The following ZBTB25 variants were observed in gnomAD, a reference collection of about 807,000 sequenced individuals.
ZBTB25 encodes the protein zinc finger and BTB domain-containing protein 25.
A neutral mutation model predicts 34.2 loss-of-function variants in ZBTB25; 20 were observed. The ratio of observed to expected loss-of-function variants is 0.58; its 90% confidence interval spans 0.41 to 0.85. ZBTB25 has a LOEUF of 0.85. Ranked by LOEUF, ZBTB25 falls within the 40% of genes least tolerant of loss-of-function variation. The pLI, the probability that ZBTB25 is intolerant of heterozygous loss-of-function variation, is 0.00. For missense variants in ZBTB25, 437 were observed against 521.8 expected, an observed-to-expected ratio of 0.84 and a Z score of 1.58; for synonymous variants, 175 against 186.4, an observed-to-expected ratio of 0.94 and a Z score of 0.50.
At chr14:64,469,939 T>C (rs994804561) in intron 2 of ZBTB25, 88 of 324,570 alleles carry the variant, frequency 2.7e-4, no homozygotes, top group African/African-American at 1.7e-3. Context: ...TAAAATGGCA[T>C]ATGGAGATTG....
chr14:64,494,488 C>A (rs1373989469), intron 1 of ZBTB25, among the ~76,000 whole-genome samples: 1 of 152,136 alleles, frequency 6.6e-6, no homozygotes, highest in Non-Finnish European at 1.5e-5. Context: ...CAAAAATTAG[C>A]CAGGTGTGGT....
At chr14:64,477,430 G>A (rs1421694827), downstream of ZBTB25, among the ~76,000 whole-genome samples, 6 of 152,156 alleles carry the variant, frequency 3.9e-5, no homozygotes, top group Non-Finnish European at 5.9e-5. Context: ...CCTCATAGAC[G>A]TTAAAATATT....
At chr14:64,457,597 A>G (rs1277614458) in intron 2 of ZBTB25, among the ~76,000 whole-genome samples, 2 of 152,092 alleles carry the variant, frequency 1.3e-5, no homozygotes, top group Non-Finnish European at 2.9e-5. Context: ...CTGGGATTAC[A>G]GGCACACGCC....
upstream of ZBTB25, chr14:64,504,673 C>T: frequency 2.8e-6 from 1 of 354,968 alleles, no homozygotes; most frequent in Admixed American, 4.7e-5. Flanking sequence ...CTGGCGGACG[C>T]CGCAGCGAAC....
At position 64,486,349 on chromosome 14, in the gene ZBTB25, T is replaced by C. The variant is rs1048468186; in HGVS notation, c.*574A>G. ...AATGTTAAAAAGTAAAGAGAAGCCA[T>C]GTAGGTAAGATGTTGTGGAGCTAGT... On this transcript the variant is annotated 3_prime_UTR_variant, in exon 3 of 3. Transcript: ENST00000608382. 3.0e-6 allele frequency: 3 copies of C among 985,068 alleles called. No individual in the cohort carries two copies. Among genetic ancestry groups the C allele is most frequent in the Non-Finnish European group, 3.6e-6 (3 of 829,866 alleles). 61.0% of individuals were successfully genotyped at this position (985,068 alleles called of 1,614,324 possible).
chr14:64,475,680 G>A (rs1322371224), downstream of ZBTB25, among the ~76,000 whole-genome samples: 1 of 152,148 alleles, frequency 6.6e-6, no homozygotes, highest in Non-Finnish European at 1.5e-5. Flanking sequence ...ATGCGTGTCT[G>A]TGCACTACAC....
At chr14:64,467,169 C>G (rs2078620738) in intron 2 of ZBTB25, 1 of 152,154 alleles carries the variant, frequency 6.6e-6, no homozygotes. Context: ...TGACGAAACT[C>G]TTAAAGCCCA....
chr14:64,457,870 T>G (rs1022467990), intron 2 of ZBTB25: 6 of 368,126 alleles, frequency 1.6e-5, no homozygotes, highest in African/African-American at 1.2e-4. Flanking sequence ...GCCTTGGGCT[T>G]TCTTTCTGAA....
intron 2 of ZBTB25, chr14:64,461,401 T>C (rs1046833611): frequency 4.6e-5 from 7 of 152,176 alleles, no homozygotes; most frequent in African/African-American, 1.5e-4. Context: ...ACCATGGAAA[T>C]AGGAGCACTG....
At position 64,485,631 on chromosome 14, in the gene ZBTB25, G is replaced by C. The variant is rs1016435077; in HGVS notation, c.*1292C>G. ...ATCTTAAATGTAGTTATAGAACACTGAATGTATCCACTTTGCTGGTTTTAT... is the reference window on the plus strand; with the variant it reads ...ATCTTAAATGTAGTTATAGAACACTCAATGTATCCACTTTGCTGGTTTTAT... On this transcript the variant is annotated 3_prime_UTR_variant, in exon 3 of 3. Coordinates refer to ENST00000608382, the MANE Select transcript of ZBTB25 (RefSeq NM_006977.5). 2.3e-5 allele frequency: 23 copies of C among 985,340 alleles called. No individual in the cohort carries two copies. Among genetic ancestry groups the C allele is most frequent in the Non-Finnish European group, 2.7e-5 (22 of 829,902 alleles). 61.0% of individuals were successfully genotyped at this position (985,340 alleles called of 1,614,324 possible).
rs2078842469 is a variant in ZBTB25, at chr14:64,484,960, T to C, written c.*1963A>G. 2.1e-6 allele frequency: 2 copies of C among 973,912 alleles called. No individual in the cohort carries two copies. The highest frequency in any genetic ancestry group is 2.4e-6 in the Non-Finnish European group (2 of 819,430). The allele number at this position is 973,912 out of a possible 1,614,324, so 60.3% of individuals were successfully genotyped here. A position where few individuals can be genotyped will look rare whatever the true frequency, so the allele number is the denominator to read the frequency against. On this transcript the variant is annotated 3_prime_UTR_variant, in exon 3 of 3. Coordinates refer to ENST00000608382, the MANE Select transcript of ZBTB25 (RefSeq NM_006977.5). ...AAGTTCTGACCCCAAAGAACATACATTTGTTTTAATTACTCCCAATACAAT... is the reference window on the plus strand; with the variant it reads ...AAGTTCTGACCCCAAAGAACATACACTTGTTTTAATTACTCCCAATACAAT...
upstream of ZBTB25, chr14:64,504,233 G>A (rs1436629813): frequency 6.6e-6 from 1 of 152,308 alleles, no homozygotes; most frequent in African/African-American, 2.4e-5. Context: ...CTCAGGGCCA[G>A]AGGCAGCAGG....
chr14:64,458,156 T>A (rs951239151), intron 2 of ZBTB25: 24 of 1,341,124 alleles, frequency 1.8e-5, no homozygotes, highest in Middle Eastern at 1.8e-4. Flanking sequence ...CCTGGGATTA[T>A]AGGCGTGAGC....
At chr14:64,495,570 T>A (rs966162623) in intron 1 of ZBTB25, among the ~76,000 whole-genome samples, 5 of 152,242 alleles carry the variant, frequency 3.3e-5, no homozygotes, top group African/African-American at 1.2e-4. Flanking sequence ...CTAAAAGCCA[T>A]AAAAACAGAA....
rs868062653 is a variant in ZBTB25 at position 64,480,051 on chromosome 14, C to G, written c.*6872G>C. The G allele has an allele frequency of 6.2e-6, 1 of 160,442 alleles. No individual in the cohort carries two copies. Among genetic ancestry groups the G allele is most frequent in the Non-Finnish European group, 1.4e-5 (1 of 73,160 alleles). 9.9% of individuals were successfully genotyped at this position (160,442 alleles called of 1,614,324 possible). ...TAGAGAAGAAAGAAGCAGCTGGGCG[C>G]GGTGGCTCACGCCTGTAATCCCAGC... On this transcript the variant is annotated 3_prime_UTR_variant, in exon 3 of 3. Transcript: ENST00000608382.
At chr14:64,477,318 G>A (rs1352005682), downstream of ZBTB25, among the ~76,000 whole-genome samples, 1 of 152,172 alleles carries the variant, frequency 6.6e-6, no homozygotes, top group Non-Finnish European at 1.5e-5. Context: ...GTGGCTCTGA[G>A]CATAGCCACC....
chr14:64,493,576 A>C (rs1169385741), intron 1 of ZBTB25, among the ~76,000 whole-genome samples: 1 of 152,190 alleles, frequency 6.6e-6, no homozygotes, highest in South Asian at 2.1e-4. Flanking sequence ...GGAGCCTACT[A>C]TGGTATCAAA....
intron 1 of ZBTB25, among the ~76,000 whole-genome samples, chr14:64,497,808 T>A (rs2079330013): frequency 6.6e-6 from 1 of 152,188 alleles, no homozygotes; most frequent in African/African-American, 2.4e-5. Flanking sequence ...CAGCCGGATA[T>A]CCTGGACTAC....
chr14:64,454,834 G>T (rs1472102736), intron 2 of ZBTB25: 1 of 1,614,058 alleles, frequency 6.2e-7, no homozygotes, highest in East Asian at 2.2e-5. Context: ...CGACATCCGC[G>T]CCAGCGTTGG....
Sources: gnomAD v4.1 joint callset for allele counts (sites outside exome capture counted in the v4.1 genomes callset) on GRCh38, gnomAD v4.1.1 for gene constraint, MANE v1.5 for transcripts, NCBI Gene and HGNC (gene_info 2026-07-23, HGNC 2026-07-21) for gene names.